The following C11orf97 variants were observed in gnomAD, a reference collection of about 807,000 sequenced individuals.
C11orf97 encodes uncharacterized protein C11orf97.
C11orf97 carries 15 observed loss-of-function variants against 16.2 expected under a neutral mutation model. The observed-to-expected ratio is 0.93, with a 90% CI of 0.62 to 1.43. The LOEUF is 1.43. C11orf97 is among the 40% of genes most tolerant of loss of function. The probability of loss-of-function intolerance (pLI) is 0.00; values close to 1 mark genes in which losing one functional copy is unlikely to be tolerated. For missense variants in C11orf97, 171 were observed against 161.2 expected (o/e 1.06, Z -0.33); for synonymous variants, 61 against 65.7 (o/e 0.93, Z 0.34).
chr11:94,517,639 G>A lies in C11orf97; in HGVS notation c.202G>A (p.Glu68Lys). Residue 68 changes from glutamate to lysine, a missense_variant, in exon 2 of 4, where the codon GAA (glutamate) becomes AAA (lysine). Physicochemically the swap from Glu to Lys is moderately conservative, Grantham distance 56. Coordinates refer to ENST00000542198, the MANE Select transcript of C11orf97 (RefSeq NM_001190462.2). Reference sequence around the variant, plus strand: ...GAGAATTAAGGAAGTACTGGAAGAAGAACGTCATATTAAGAGAGATGAATG... The same window carrying A: ...GAGAATTAAGGAAGTACTGGAAGAAAAACGTCATATTAAGAGAGATGAATG... ...HKRIKEVLEE[E>K]RHIKRDECHI... The A allele has an allele frequency of 6.5e-7, 1 of 1,533,288 alleles. No homozygotes were observed. Among genetic ancestry groups the A allele is most frequent in the South Asian group, 1.2e-5 (1 of 83,124 alleles). 95.0% of individuals were successfully genotyped at this position (1,533,288 alleles called of 1,614,324 possible).
chr11:94,530,476 G>A (rs1305099348), intron 3 of C11orf97, among the ~76,000 whole-genome samples: 1 of 152,168 alleles, frequency 6.6e-6, no homozygotes, highest in African/African-American at 2.4e-5. Context: ...AAATATCATA[G>A]AAGAACAAAA....
At chr11:94,525,650 G>C (rs1947695338) in intron 2 of C11orf97, among the ~76,000 whole-genome samples, 1 of 152,104 alleles carries the variant, frequency 6.6e-6, no homozygotes, top group African/African-American at 2.4e-5. Context: ...CAATTATAGA[G>C]CCTAGGAGTC....
chr11:94,525,376 A>G (rs1947691819), intron 2 of C11orf97, among the ~76,000 whole-genome samples: 1 of 152,252 alleles, frequency 6.6e-6, no homozygotes, highest in African/African-American at 2.4e-5. Flanking sequence ...AGATACATTA[A>G]TGAGTGTCTA....
At chr11:94,512,944 AACACACAC>A (rs10560506) in intron 1 of C11orf97, among the ~76,000 whole-genome samples, 2 of 150,662 alleles carry the variant, frequency 1.3e-5, no homozygotes, top group African/African-American at 4.9e-5. Flanking sequence ...GAAAGGAATT[AACACACAC>A]ACACACACAC....
At chr11:94,527,120 C>G (rs887598376) in intron 2 of C11orf97, among the ~76,000 whole-genome samples, 5 of 152,134 alleles carry the variant, frequency 3.3e-5, no homozygotes, top group African/African-American at 1.2e-4. Flanking sequence ...GGTTAAATAA[C>G]TTGGTCAAAA....
chr11:94,518,905 C>A (rs994492169), intron 2 of C11orf97, among the ~76,000 whole-genome samples: 7 of 149,788 alleles, frequency 4.7e-5, no homozygotes, highest in Non-Finnish European at 4.5e-5. Flanking sequence ...ATGTTGTGCC[C>A]ACTTTACATT....
At chr11:94,531,526 C>CAAAAA (rs35270400) in intron 3 of C11orf97, among the ~76,000 whole-genome samples, 5 of 92,076 alleles carry the variant, frequency 5.4e-5, no homozygotes, top group Admixed American at 1.3e-4. Context: ...CAAAACAAGC[C>CAAAAA]AAAAAAAAAA....
chr11:94,518,448 G>GTGA (rs1947631520), intron 2 of C11orf97, among the ~76,000 whole-genome samples: 1 of 152,056 alleles, frequency 6.6e-6, no homozygotes, highest in African/African-American at 2.4e-5. Context: ...AATTTCCCAG[G>GTGA]TGATATTGAT....
chr11:94,524,769 G>A (rs983162740), intron 2 of C11orf97, among the ~76,000 whole-genome samples: 1 of 152,140 alleles, frequency 6.6e-6, no homozygotes, highest in African/African-American at 2.4e-5. Context: ...AAAGAAAAAT[G>A]TAGAATTGGC....
intron 2 of C11orf97, among the ~76,000 whole-genome samples, chr11:94,523,752 G>A (rs1032140935): frequency 2.0e-5 from 3 of 152,230 alleles, no homozygotes; most frequent in Non-Finnish European, 4.4e-5. Context: ...TGCATAGCTA[G>A]CGGGACACAG....
In C11orf97 at chr11:94,512,560, C is replaced by A. The variant is rs965936467; in HGVS notation, c.32C>A (p.Ala11Glu). 19 of 1,311,888 alleles carry A rather than the reference C, an allele frequency of 1.4e-5. No individual in the cohort carries two copies. Among genetic ancestry groups the A allele is most frequent in the Non-Finnish European group, 3.9e-6 (4 of 1,029,526 alleles). The allele number at this position is 1,311,888 out of a possible 1,614,324, so 81.3% of individuals were successfully genotyped here. The change falls in exon 1 of 4, where the codon GCA becomes GAA. Residue 11 changes from alanine to glutamate, a missense_variant. Physicochemically the swap from Ala to Glu is moderately radical, Grantham distance 107. Transcript: ENST00000542198. MTGEEAVVVTAVVAPKAGREE... is the reference protein window; with the variant it reads MTGEEAVVVTEVVAPKAGREE... ...GGCGAGGAGGCGGTGGTGGTGACCG[C>A]AGTGGTGGCGCCCAAGGCGGGTCGC...
At chr11:94,518,958 G>A (rs1475955991) in intron 2 of C11orf97, among the ~76,000 whole-genome samples, 1 of 151,690 alleles carries the variant, frequency 6.6e-6, no homozygotes, top group Non-Finnish European at 1.5e-5. Context: ...ACCCAGGCTG[G>A]AGTGCAGTGA....
rs763446657 is a variant in C11orf97, at chr11:94,531,905, AATTAGATTTTCC to A, written c.*10_*21del. The A allele has an allele frequency of 3.1e-4, 452 of 1,469,292 alleles. No homozygotes were observed. Among genetic ancestry groups the A allele is most frequent in the Non-Finnish European group, 3.7e-4 (411 of 1,113,252 alleles). The allele number at this position is 1,469,292 out of a possible 1,614,324, so 91.0% of individuals were successfully genotyped here. A position where few individuals can be genotyped will look rare whatever the true frequency, so the allele number is the denominator to read the frequency against. On this transcript the variant is annotated 3_prime_UTR_variant, in exon 4 of 4. Transcript: ENST00000542198. ...TTTTTTTTAACTCTAGGATAAGATGAATTAGATTTTCCATTAAGAAGGAACCTCTTTCTGCTG... is the reference window on the plus strand; with the variant it reads ...TTTTTTTTAACTCTAGGATAAGATGAATTAAGAAGGAACCTCTTTCTGCTG...
At chr11:94,524,684 G>A (rs1192937724) in intron 2 of C11orf97, among the ~76,000 whole-genome samples, 1 of 151,518 alleles carries the variant, frequency 6.6e-6, no homozygotes, top group Non-Finnish European at 1.5e-5. Context: ...GGATAAGGAA[G>A]AATTTAGCTA....
At chr11:94,524,417 G>A (rs1947683096) in intron 2 of C11orf97, among the ~76,000 whole-genome samples, 2 of 152,018 alleles carry the variant, frequency 1.3e-5, no homozygotes, top group African/African-American at 2.4e-5. Context: ...GTAGCAAGTA[G>A]TGTTCTATTC....
chr11:94,523,936 C>T (rs1262768139), intron 2 of C11orf97, among the ~76,000 whole-genome samples: 1 of 152,112 alleles, frequency 6.6e-6, no homozygotes, highest in African/African-American at 2.4e-5. Context: ...CCATCAGTGA[C>T]AATAGAAATA....
intron 2 of C11orf97, among the ~76,000 whole-genome samples, chr11:94,518,322 T>G (rs1207981331): frequency 1.3e-5 from 2 of 152,152 alleles, no homozygotes; most frequent in African/African-American, 4.8e-5. Context: ...GTTTCCAAAC[T>G]TTAGATTTTT....
Position 94,528,081 on chromosome 11 carries a change from C to T in C11orf97, c.251-3C>T, listed in dbSNP as rs1287650928. 1 of 1,524,856 alleles carries T rather than the reference C, an allele frequency of 6.6e-7. No homozygotes were observed. Among genetic ancestry groups the T allele is most frequent in the Non-Finnish European group, 8.8e-7 (1 of 1,142,336 alleles). The allele number at this position is 1,524,856 out of a possible 1,614,324, so 94.5% of individuals were successfully genotyped here. ...ATTTTCTTGCCTTAAAAAATATTGA[C>T]AGTGGCCCTGGAAGGGATTTGGAGC... On this transcript the variant is annotated splice_polypyrimidine_tract_variant and splice_region_variant and intron_variant, in intron 2 of 3. Coordinates refer to ENST00000542198, the MANE Select transcript of C11orf97 (RefSeq NM_001190462.2).
intron 2 of C11orf97, among the ~76,000 whole-genome samples, chr11:94,526,169 G>A (rs935385701): frequency 3.3e-5 from 5 of 152,174 alleles, no homozygotes; most frequent in African/African-American, 1.2e-4. Flanking sequence ...AGCTGAGGGA[G>A]TAAAGTTTCT....
Sources: gnomAD v4.1 joint callset for allele counts (sites outside exome capture counted in the v4.1 genomes callset) on GRCh38, gnomAD v4.1.1 for gene constraint, MANE v1.5 for transcripts, NCBI Gene and HGNC (gene_info 2026-07-23, HGNC 2026-07-21) for gene names.